Variants in HMCN2 observed in about 807,000 individuals in gnomAD.
HMCN2 encodes hemicentin 2.
A neutral mutation model predicts 377.5 loss-of-function variants in HMCN2; 325 were observed. The observed-to-expected ratio is 0.86, with a 90% CI of 0.79 to 0.94. The LOEUF is 0.94. Among genes scored for constraint, HMCN2 ranks in the 40% least tolerant of loss-of-function variants. HMCN2 has a pLI of 0.00. For synonymous variants in HMCN2, 2,007 were observed against 2,046.8 expected, an observed-to-expected ratio of 0.98 and a Z score of 0.53; for missense variants, 4,543 against 4,725.3, an observed-to-expected ratio of 0.96 and a Z score of 1.13.
At chr9:130,285,476 C>G (rs4837490) in intron 3 of HMCN2, among the ~76,000 whole-genome samples, 160 bp downstream of exon 3, 120,568 of 152,156 alleles carry the variant, frequency 0.79, 48,062 homozygotes, top group East Asian at 0.89. Context: ...CCAGAGCCTC[C>G]GAACCAAGTT....
At chr9:130,367,558 C>T (rs1840762393) in intron 43 of HMCN2, among the ~76,000 whole-genome samples, 1 of 150,692 alleles carries the variant, frequency 6.6e-6, no homozygotes, top group Non-Finnish European at 1.5e-5. Context: ...TGGTCACCCT[C>T]CTCAGGCCAC....
chr9:130,389,967 C>A (rs899434688), intron 62 of HMCN2, among the ~76,000 whole-genome samples: 10 of 152,222 alleles, frequency 6.6e-5, no homozygotes, highest in Middle Eastern at 3.2e-3. Flanking sequence ...TGTTGTGCAT[C>A]CACTGGTCAG....
chr9:130,404,951 C>G lies in HMCN2; in HGVS notation c.12231C>G (p.Gly4077=). The change falls in exon 81 of 98, where the codon GGC becomes GGG. Residue 4077 remains glycine, a synonymous_variant. Coordinates refer to ENST00000683500, the MANE Select transcript of HMCN2 (RefSeq NM_001291815.2). ...SHAFLPCKAR[G]SPEPNITWDK... The stretch of plus-strand genomic sequence containing the variant: ...CCTTCTTGCCTTGCAAGGCGAGGGG[C>G]AGTCCTGAGCCCAACATCACCTGGG... The G allele has an allele frequency of 7.8e-7, 1 of 1,289,300 alleles. No individual in the cohort carries two copies. The highest frequency in any genetic ancestry group is 1.2e-5 in the South Asian group (1 of 80,806). 79.9% of individuals were successfully genotyped at this position (1,289,300 alleles called of 1,614,324 possible).
intron 22 of HMCN2, among the ~76,000 whole-genome samples, chr9:130,333,581 G>A (rs922564807): frequency 7.2e-4 from 109 of 152,320 alleles, no homozygotes; most frequent in African/African-American, 2.4e-3. Flanking sequence ...GGCCGTGCAC[G>A]TCGCGATGAA....
chr9:130,281,456 G>A (rs999250260), intron 1 of HMCN2, among the ~76,000 whole-genome samples: 13 of 151,840 alleles, frequency 8.6e-5, no homozygotes, highest in Admixed American at 2.0e-4. Flanking sequence ...AAATTAGCCC[G>A]GCATGGCGGT....
Position 130,433,842 on chromosome 9 carries a change from G to C in HMCN2, c.*149G>C. On this transcript the variant is annotated 3_prime_UTR_variant, in exon 98 of 98. Transcript: ENST00000683500. ...AGACCTTGGGTCAACACGACCCTGC[G>C]CACAGCCTTGACCCCCGACAGCGAG... 1 of 674,452 alleles carries C rather than the reference G, an allele frequency of 1.5e-6. No individual in the cohort carries two copies. The highest frequency in any genetic ancestry group is 2.3e-6 in the Non-Finnish European group (1 of 436,700). 41.8% of individuals were successfully genotyped at this position (674,452 alleles called of 1,614,324 possible).
chr9:130,397,861 G>A (rs370075776), intron 74 of HMCN2, among the ~76,000 whole-genome samples: 9 of 152,150 alleles, frequency 5.9e-5, no homozygotes, highest in Admixed American at 1.3e-4. Context: ...ACAGAACAGC[G>A]ATTCGATTAA....
intron 89 of HMCN2, among the ~76,000 whole-genome samples, 168 bp downstream of exon 89, chr9:130,425,298 G>C (rs575302487): frequency 6.6e-6 from 1 of 152,254 alleles, no homozygotes; most frequent in African/African-American, 2.4e-5. Context: ...GTTGTAACAG[G>C]CTCAAGTTCA....
rs1411101076 is a variant in HMCN2 at position 130,391,008 on chromosome 9, G to C, written c.9555G>C (p.Arg3185=). 37 of 987,430 alleles carry C rather than the reference G, an allele frequency of 3.7e-5. No homozygotes were observed. Among genetic ancestry groups the C allele is most frequent in the Non-Finnish European group, 4.5e-5 (37 of 830,200 alleles). 61.2% of individuals were successfully genotyped at this position (987,430 alleles called of 1,614,324 possible). A position where few individuals can be genotyped will look rare whatever the true frequency, so the allele number is the denominator to read the frequency against. Residue 3185 remains arginine (R), a synonymous_variant, in exon 63 of 98, where the codon CGG becomes CGC. Coordinates refer to ENST00000683500, the MANE Select transcript of HMCN2 (RefSeq NM_001291815.2). ...GCGCGGTGCACGGTGTGGTCTCCCG[G>C]GGGGGCCGCCTCCAGCTGAGCCGCC... The part of the protein sequence containing the change: ...ESSAVHGVVS[R]GGRLQLSRLQ...
At position 130,422,205 on chromosome 9, in the gene HMCN2, G is replaced by T. The variant is rs1235549601; in HGVS notation, c.13232-372G>T. Among the ~76,000 whole-genome samples the T allele has an allele frequency of 6.6e-6, 1 of 152,230 alleles. No individual in the cohort carries two copies. Among genetic ancestry groups the T allele is most frequent in the Non-Finnish European group, 1.5e-5 (1 of 68,044 alleles). On this transcript the variant is annotated intron_variant, in intron 86 of 97. Coordinates refer to ENST00000683500, the MANE Select transcript of HMCN2 (RefSeq NM_001291815.2). The surrounding 1 kb of genome is among the most constrained non-coding windows in gnomAD (Gnocchi z 4.2). Reference sequence around the variant, plus strand: ...TCAGTGTGCCAGCCACGCCATCGTGGGCTCCCGGCATTTCAGAGACCCACA... The same window carrying T: ...TCAGTGTGCCAGCCACGCCATCGTGTGCTCCCGGCATTTCAGAGACCCACA...
chr9:130,418,837 C>T lies in HMCN2; in HGVS notation c.13027C>T (p.Arg4343Trp), dbSNP rs368328308. 6.2e-3 allele frequency: 9,512 copies of T among 1,539,938 alleles called. 41 individuals are homozygous for T. Among genetic ancestry groups the T allele is most frequent in the South Asian group, 0.015 (1,252 of 82,796 alleles). ...GAGATCTGGGGATGACGTGGCCCTG[C>T]GGTGCCAGGCCACTGGAGAGCCCAC... Reference protein sequence around the residue: ...TVRSGDDVALRCQATGEPTPT... With the variant: ...TVRSGDDVALWCQATGEPTPT... The change falls in exon 86 of 98, where the codon CGG becomes TGG. Residue 4343 changes from arginine (R) to tryptophan (W), a missense_variant. Transcript: ENST00000683500.
Position 130,303,095 on chromosome 9 carries a change from A to G in HMCN2, c.1421+94A>G. The stretch of plus-strand genomic sequence containing the variant: ...CTCAGGGGAGTGGGTGGCAGGAGAG[A>G]GACCTTGGTCTCTGTCATTATCCTC... On this transcript the variant is annotated intron_variant, in intron 9 of 97. Coordinates refer to ENST00000683500, the MANE Select transcript of HMCN2 (RefSeq NM_001291815.2). The surrounding 1 kb of genome is among the most constrained non-coding windows in gnomAD (Gnocchi z 5.2). 1 of 359,496 alleles carries G rather than the reference A, an allele frequency of 2.8e-6. No individual in the cohort carries two copies. The allele number at this position is 359,496 out of a possible 1,614,324, so 22.3% of individuals were successfully genotyped here. A position where few individuals can be genotyped will look rare whatever the true frequency, so the allele number is the denominator to read the frequency against.
At chr9:130,399,339 A>G (rs1475671325) in intron 75 of HMCN2, among the ~76,000 whole-genome samples, 172 bp from the exon 76 acceptor site, 1 of 152,230 alleles carries the variant, frequency 6.6e-6, no homozygotes, top group Admixed American at 6.5e-5. Flanking sequence ...AAATCACTCA[A>G]AAATCCACCA....
intron 45 of HMCN2, among the ~76,000 whole-genome samples, chr9:130,370,119 T>C (rs1362527679): frequency 6.6e-6 from 1 of 152,132 alleles, no homozygotes; most frequent in African/African-American, 2.4e-5. Context: ...TCTACTCTGT[T>C]CTGGGCACTG....
At chr9:130,313,312 G>C (rs910520482) in intron 15 of HMCN2, among the ~76,000 whole-genome samples, 3 of 150,304 alleles carry the variant, frequency 2.0e-5, no homozygotes, top group African/African-American at 7.3e-5. Context: ...CTGGGGCATA[G>C]GAAGGGAGGC....
chr9:130,432,489 C>A lies in HMCN2; in HGVS notation c.14828C>A (p.Thr4943Asn), dbSNP rs1482578828. 5 of 1,550,672 alleles carry A rather than the reference C, an allele frequency of 3.2e-6. No homozygotes were observed. The East Asian group carries it at 7.3e-5, about 23-fold the overall frequency. ...ECGPGQMCFN[T>N]RGSYQCVDTP... ...GGACCCGGCCAGATGTGCTTCAACA[C>A]CCGTGGCAGCTACCAGTGTGTGGAC... The change falls in exon 97 of 98, where the codon ACC (threonine) becomes AAC (asparagine). Residue 4943 changes from threonine to asparagine, a missense_variant. By Grantham distance (65) the Thr-to-Asn change is moderately conservative. Around this residue, in one of 5 missense-constraint regions of HMCN2, gnomAD observed 1,155 missense variants for 1,157.7 expected, o/e 1.00. Coordinates refer to ENST00000683500, the MANE Select transcript of HMCN2 (RefSeq NM_001291815.2).
At chr9:130,280,899 A>T (rs1835076818) in intron 1 of HMCN2, among the ~76,000 whole-genome samples, 1 of 151,994 alleles carries the variant, frequency 6.6e-6, no homozygotes, top group Non-Finnish European at 1.5e-5. Flanking sequence ...AGGTCAGGAG[A>T]TCGAGACCAT....
intron 16 of HMCN2, among the ~76,000 whole-genome samples, chr9:130,319,913 C>T (rs933859236): frequency 6.6e-6 from 1 of 152,168 alleles, no homozygotes; most frequent in South Asian, 2.1e-4. Flanking sequence ...TACTACCCAC[C>T]TGGCTGATTA....
rs963059416 is a variant in HMCN2 at position 130,428,594 on chromosome 9, G to C, written c.14197+105G>C. 1 of 1,418,550 alleles carries C rather than the reference G, an allele frequency of 7.0e-7. No individual in the cohort carries two copies. Among genetic ancestry groups the C allele is most frequent in the Non-Finnish European group, 9.5e-7 (1 of 1,058,088 alleles). 87.9% of individuals were successfully genotyped at this position (1,418,550 alleles called of 1,614,324 possible). On this transcript the variant is annotated intron_variant, in intron 93 of 97. Coordinates refer to ENST00000683500, the MANE Select transcript of HMCN2 (RefSeq NM_001291815.2). The surrounding 1 kb of genome is among the most constrained non-coding windows in gnomAD (Gnocchi z 5.0). ...GTGTCACTGGGCTCTGGGCTTCCAGGAAGACTGGGACTCTTGGCAGAAGGA... is the reference window on the plus strand; with the variant it reads ...GTGTCACTGGGCTCTGGGCTTCCAGCAAGACTGGGACTCTTGGCAGAAGGA...
Sources: allele counts gnomAD v4.1 joint callset (sites outside exome capture counted in the v4.1 genomes callset), GRCh38; gene constraint gnomAD v4.1.1; regional missense constraint gnomAD v4.1.1; non-coding constraint Gnocchi (gnomAD v3.1); transcripts MANE v1.5; gene names NCBI Gene and HGNC (gene_info 2026-07-23, HGNC 2026-07-21).